IL1RAPL1: variants seen among roughly 807,000 people sequenced by gnomAD.
The protein encoded by IL1RAPL1 is interleukin-1 receptor accessory protein-like 1.
IL1RAPL1 carries 3 observed loss-of-function variants against 48.4 expected under a neutral mutation model. That is an observed-to-expected ratio of 0.06 (90% CI 0.03 to 0.16). The LOEUF (loss-of-function observed/expected upper bound fraction) is 0.16. Ranked by LOEUF, IL1RAPL1 falls within the 10% of genes least tolerant of loss-of-function variation. The pLI is 1.00. For missense variants in IL1RAPL1, 349 were observed against 530.6 expected, an observed-to-expected ratio of 0.66 and a Z score of 3.36; for synonymous variants, 185 against 187.7, an observed-to-expected ratio of 0.99 and a Z score of 0.12.
intron 2 of IL1RAPL1, among the ~76,000 whole-genome samples, chrX:29,109,349 A>C (rs966594166): frequency 4.8e-5 from 5 of 104,944 alleles, no homozygotes; most frequent in Non-Finnish European, 9.7e-5. Flanking sequence ...CATGAAGATT[A>C]AGCTTGGGGT....
At chrX:28,878,015 C>G (rs1230656997) in intron 2 of IL1RAPL1, among the ~76,000 whole-genome samples, 1 of 111,814 alleles carries the variant, frequency 8.9e-6, no homozygotes, top group Non-Finnish European at 1.9e-5. Context: ...CCACATAATG[C>G]AGATATTGTC....
intron 6 of IL1RAPL1, among the ~76,000 whole-genome samples, chrX:29,914,272 TAAAA>T (rs1420125801): frequency 8.9e-6 from 1 of 112,094 alleles, no homozygotes; most frequent in Non-Finnish European, 1.9e-5. Flanking sequence ...AAATGAATTA[TAAAA>T]TTATGAAAAA....
intron 5 of IL1RAPL1, among the ~76,000 whole-genome samples, chrX:29,468,363 A>G (rs892941616): frequency 1.8e-5 from 2 of 112,489 alleles, no homozygotes; most frequent in South Asian, 3.7e-4. Flanking sequence ...GCAAACATGT[A>G]AGTGAAGGAA....
intron 2 of IL1RAPL1, among the ~76,000 whole-genome samples, chrX:29,053,265 A>G (rs868360343): frequency 3.0e-4 from 33 of 111,821 alleles, no homozygotes; most frequent in Admixed American, 8.6e-4. Flanking sequence ...CATTTTATTT[A>G]TCCAGTCTAC....
chrX:28,641,692 A>C (rs916520342), intron 1 of IL1RAPL1, among the ~76,000 whole-genome samples: 2 of 111,772 alleles, frequency 1.8e-5, no homozygotes, highest in Non-Finnish European at 3.8e-5. Context: ...CCAACAGTGT[A>C]AAAGCATTCC....
intron 2 of IL1RAPL1, among the ~76,000 whole-genome samples, chrX:29,196,402 T>C (rs968248343): frequency 2.7e-5 from 3 of 112,577 alleles, no homozygotes; most frequent in African/African-American, 9.7e-5. Context: ...TATTTTGCTA[T>C]GTTGCTTTCC....
chrX:29,647,857 G>A (rs1215761182), intron 5 of IL1RAPL1, among the ~76,000 whole-genome samples: 1 of 111,486 alleles, frequency 9.0e-6, no homozygotes, highest in African/African-American at 3.3e-5. Context: ...GATATAGAGT[G>A]GCTGAATGGA....
At chrX:29,501,495 G>C (rs1445062869) in intron 5 of IL1RAPL1, among the ~76,000 whole-genome samples, 1 of 111,294 alleles carries the variant, frequency 9.0e-6, no homozygotes, top group African/African-American at 3.3e-5. Context: ...TGTATGGTGA[G>C]AGTTAGAAAT....
chrX:29,141,085 TTC>T (rs940538476), intron 2 of IL1RAPL1, among the ~76,000 whole-genome samples: 1 of 111,194 alleles, frequency 9.0e-6, no homozygotes, highest in African/African-American at 3.3e-5. Flanking sequence ...TCAATTATTA[TTC>T]TCATTGTACA....
At chrX:29,615,578 A>G (rs5972486) in intron 5 of IL1RAPL1, among the ~76,000 whole-genome samples, 55,134 of 109,953 alleles carry the variant, frequency 0.5, 11,285 homozygotes, top group African/African-American at 0.78. Context: ...GGGCAAAGAT[A>G]CATGGTAGTT....
At chrX:29,682,660 CT>C (rs759363826) in intron 6 of IL1RAPL1, among the ~76,000 whole-genome samples, 10 of 112,365 alleles carry the variant, frequency 8.9e-5, no homozygotes, top group Non-Finnish European at 1.5e-4. Context: ...CTTTACATCC[CT>C]GATATGTAGG....
At chrX:29,547,922 T>G (rs182889370) in intron 5 of IL1RAPL1, among the ~76,000 whole-genome samples, 1 of 112,623 alleles carries the variant, frequency 8.9e-6, no homozygotes, top group African/African-American at 3.2e-5. Flanking sequence ...ACTGTCACTG[T>G]GGGTGACATT....
chrX:29,393,638 C>G (rs1933885778), intron 3 of IL1RAPL1, among the ~76,000 whole-genome samples: 1 of 110,836 alleles, frequency 9.0e-6, no homozygotes, highest in Non-Finnish European at 1.9e-5. Flanking sequence ...ACCTAAGACT[C>G]TTGTGTCTAA....
intron 2 of IL1RAPL1, among the ~76,000 whole-genome samples, chrX:29,158,215 C>T (rs1026888298): frequency 9.0e-6 from 1 of 111,729 alleles, no homozygotes; most frequent in Non-Finnish European, 1.9e-5. Context: ...TGTACTTTGT[C>T]TAACTACAGG....
At chrX:28,751,648 A>G (rs369858738) in intron 1 of IL1RAPL1, among the ~76,000 whole-genome samples, 2 of 112,391 alleles carry the variant, frequency 1.8e-5, no homozygotes, top group African/African-American at 6.5e-5. Flanking sequence ...AGTAGATAAA[A>G]TACAAGCTCC....
intron 2 of IL1RAPL1, among the ~76,000 whole-genome samples, chrX:29,117,803 A>G (rs1279072990): frequency 1.8e-5 from 2 of 111,308 alleles, no homozygotes; most frequent in East Asian, 5.6e-4. Context: ...CCAGCCACTT[A>G]ATACAGATCC....
At chrX:28,901,191 A>C (rs138902751) in intron 2 of IL1RAPL1, among the ~76,000 whole-genome samples, 83 of 111,864 alleles carry the variant, frequency 7.4e-4, no homozygotes, top group African/African-American at 2.6e-3. Context: ...GGCAAACACT[A>C]ACATAGAGCC....
At chrX:28,884,671 TTC>T (rs1922587450) in intron 2 of IL1RAPL1, among the ~76,000 whole-genome samples, 1 of 111,975 alleles carries the variant, frequency 8.9e-6, no homozygotes, top group African/African-American at 3.2e-5. Flanking sequence ...AGCTTTTGAA[TTC>T]TGAGATTGAT....
intron 5 of IL1RAPL1, among the ~76,000 whole-genome samples, chrX:29,523,383 G>GA (rs907976067): frequency 2.7e-5 from 3 of 111,392 alleles, no homozygotes. Context: ...CATTTTACCT[G>GA]AAAAATATAT....
Sources: allele counts gnomAD v4.1 joint callset (sites outside exome capture counted in the v4.1 genomes callset), GRCh38; gene constraint gnomAD v4.1.1; transcripts MANE v1.5; gene names NCBI Gene and HGNC (gene_info 2026-07-23, HGNC 2026-07-21).